The following ABTB2 variants were observed in gnomAD, a reference collection of about 807,000 sequenced individuals.
The protein encoded by ABTB2 is ankyrin repeat and BTB domain containing 2, also known as ankyrin repeat and BTB/POZ domain-containing protein 2.
Under a neutral mutation model 104.1 loss-of-function variants are expected in ABTB2, and 56 were observed. The observed-to-expected ratio is 0.54, with a 90% CI of 0.43 to 0.67. ABTB2 has a LOEUF of 0.67. Among genes scored for constraint, ABTB2 ranks in the 30% least tolerant of loss-of-function variants. The pLI, the probability that ABTB2 is intolerant of heterozygous loss-of-function variation, is 0.00. For missense variants in ABTB2, 1,279 were observed against 1,407.7 expected, an observed-to-expected ratio of 0.91 and a Z score of 1.46; for synonymous variants, 606 against 608.2, an observed-to-expected ratio of 1.00 and a Z score of 0.05.
chr11:34,325,251 T>C (rs949091073), intron 1 of ABTB2, among the ~76,000 whole-genome samples: 6 of 152,190 alleles, frequency 3.9e-5, no homozygotes, highest in Non-Finnish European at 5.9e-5. Flanking sequence ...TCTTTAGTGG[T>C]CCATCAGTGG....
At position 34,252,834 on chromosome 11, in the gene ABTB2, T is replaced by C. The variant is rs1394089181; in HGVS notation, c.884-48144A>G. ...GGCCAGAGGAGGCTGGGGGACCTCC[T>C]GGGAGCTTGGACACCTGGGCCTCTC... On this transcript the variant is annotated intron_variant, in intron 1 of 16. Coordinates refer to ENST00000435224, the MANE Select transcript of ABTB2 (RefSeq NM_145804.3). This position sits in a 1 kb window ranked among gnomAD's most constrained non-coding sequence, Gnocchi z 5.5. Among the ~76,000 whole-genome samples, 1 of 151,928 alleles carries C rather than the reference T, an allele frequency of 6.6e-6. No homozygotes were observed. Among genetic ancestry groups the C allele is most frequent in the Non-Finnish European group, 1.5e-5 (1 of 67,942 alleles).
rs371506561 is a variant in ABTB2, at chr11:34,308,748, G to A, written c.883+47953C>T. ...AGCTGGGCGTGGGTGGCAGGCGCCT[G>A]TATTCCCAGCTACTCAGGAGGTTAA... On this transcript the variant is annotated intron_variant, in intron 1 of 16. Coordinates refer to ENST00000435224, the MANE Select transcript of ABTB2 (RefSeq NM_145804.3). Among the ~76,000 whole-genome samples the A allele has an allele frequency of 1.4e-3, 217 of 151,796 alleles. 1 individual carries two copies. In the Middle Eastern group the frequency reaches 0.02, roughly 14 times the overall value.
intron 1 of ABTB2, among the ~76,000 whole-genome samples, chr11:34,310,992 T>A (rs1854845777): frequency 6.6e-6 from 1 of 152,222 alleles, no homozygotes; most frequent in African/African-American, 2.4e-5. Flanking sequence ...CTTGTGCTGG[T>A]CCTGAGGAAA....
intron 5 of ABTB2, among the ~76,000 whole-genome samples, chr11:34,169,378 G>A (rs1264701100): frequency 1.3e-5 from 2 of 152,166 alleles, no homozygotes; most frequent in South Asian, 2.1e-4. Context: ...AATAAAAACC[G>A]GAATGAACAT....
At position 34,151,437 on chromosome 11, in the gene ABTB2, A is replaced by G. The variant is rs1852536495; in HGVS notation, c.*950T>C. The G allele has an allele frequency of 6.6e-6, 1 of 152,242 alleles. No individual in the cohort carries two copies. Among genetic ancestry groups the G allele is most frequent in the Admixed American group, 6.5e-5 (1 of 15,286 alleles). 9.4% of individuals were successfully genotyped at this position (152,242 alleles called of 1,614,324 possible). A position where few individuals can be genotyped will look rare whatever the true frequency, so the allele number is the denominator to read the frequency against. On this transcript the variant is annotated 3_prime_UTR_variant, in exon 17 of 17. Transcript: ENST00000435224. ...CCCTGTCCTTTAATCTCCAAGAGTCACAGTCCCCAGTGGGACCTGTTTGCC... is the reference window on the plus strand; with the variant it reads ...CCCTGTCCTTTAATCTCCAAGAGTCGCAGTCCCCAGTGGGACCTGTTTGCC...
intron 4 of ABTB2, among the ~76,000 whole-genome samples, chr11:34,172,418 A>ATATATATATATG (rs55819950): frequency 0.012 from 984 of 83,900 alleles, 46 homozygotes; most frequent in Middle Eastern, 0.031. Context: ...ATATATATAT[A>ATATATATATATG]TGTGTGTGTG....
At chr11:34,350,266 T>C (rs1269296066) in intron 1 of ABTB2, among the ~76,000 whole-genome samples, 4 of 152,046 alleles carry the variant, frequency 2.6e-5, no homozygotes, top group Admixed American at 2.0e-4. Context: ...TACAGGCTCT[T>C]CTGCCAACTC....
intron 1 of ABTB2, among the ~76,000 whole-genome samples, chr11:34,347,728 C>T (rs1855350031): frequency 1.3e-5 from 2 of 152,094 alleles, no homozygotes; most frequent in Admixed American, 1.3e-4. Flanking sequence ...CAATATTAAG[C>T]ATTTAATATG....
At chr11:34,250,286 T>G (rs1256831186) in intron 1 of ABTB2, among the ~76,000 whole-genome samples, 1 of 152,164 alleles carries the variant, frequency 6.6e-6, no homozygotes, top group Non-Finnish European at 1.5e-5. Flanking sequence ...GACTCCCCAG[T>G]TCTTCTTAAG....
intron 1 of ABTB2, among the ~76,000 whole-genome samples, chr11:34,258,280 T>C (rs1854146716): frequency 6.6e-6 from 1 of 152,234 alleles, no homozygotes. Flanking sequence ...CATTTGAATA[T>C]GGAATGACAA....
Position 34,159,990 on chromosome 11 carries a change from T to C in ABTB2, c.2522A>G (p.Asn841Ser). ...PARLDPHFLNNKEMSDVTFLV... is the reference protein window; with the variant it reads ...PARLDPHFLNSKEMSDVTFLV... ...GAAGGTCACATCTGACATCTCCTTA[T>C]TGTTCAAAAAGTGTGGATCTGTGAA... is the stretch of plus-strand genomic sequence containing the variant. The change falls in exon 13 of 17, where the codon AAT becomes AGT. Residue 841 changes from asparagine (N) to serine (S), a missense_variant. Transcript: ENST00000435224. The C allele has an allele frequency of 6.2e-7, 1 of 1,613,636 alleles. No individual in the cohort carries two copies. Among genetic ancestry groups the C allele is most frequent in the Non-Finnish European group, 8.5e-7 (1 of 1,179,780 alleles).
rs964198191 is a variant in ABTB2, at chr11:34,154,781, A to G, written c.2698-12T>C. On this transcript the variant is annotated splice_polypyrimidine_tract_variant and intron_variant, in intron 14 of 16. Coordinates refer to ENST00000435224, the MANE Select transcript of ABTB2 (RefSeq NM_145804.3). The surrounding 1 kb of genome is among the most constrained non-coding windows in gnomAD (Gnocchi z 4.9). ...TACTGCATCATCATCTGTGGTGGGA[A>G]GAGGCCCATGTGAATGCCACGTGAA... The G allele has an allele frequency of 2.5e-6, 4 of 1,613,842 alleles. No individual in the cohort carries two copies. Among genetic ancestry groups the G allele is most frequent in the Non-Finnish European group, 3.4e-6 (4 of 1,179,818 alleles).
intron 1 of ABTB2, among the ~76,000 whole-genome samples, chr11:34,217,594 T>A (rs1853565300): frequency 6.6e-6 from 1 of 152,148 alleles, no homozygotes; most frequent in African/African-American, 2.4e-5. Flanking sequence ...CCCGAGTAGC[T>A]GGCCTTACAG....
chr11:34,191,259 C>T (rs1395192879), intron 3 of ABTB2, among the ~76,000 whole-genome samples: 1 of 152,064 alleles, frequency 6.6e-6, no homozygotes, highest in African/African-American at 2.4e-5. Context: ...ACAGAGTGAG[C>T]CAGTCTCTTA....
In ABTB2 at chr11:34,357,413, G is replaced by C; in HGVS notation, c.171C>G (p.Tyr57Ter). 6.5e-7 allele frequency: 1 copy of C among 1,548,882 alleles called. No individual in the cohort carries two copies. The highest frequency in any genetic ancestry group is 8.7e-7 in the Non-Finnish European group (1 of 1,146,308). The change falls in exon 1 of 17, where the codon TAC becomes TAG. Residue 57 changes from tyrosine (Y) to a stop codon, truncating the protein, a stop_gained. Transcript: ENST00000435224. LOFTEE classifies it high-confidence loss of function. ...TGTGGCGGCTGTTCATGGAGCCGGA[G>C]TAGCACCACCAGGCCGCCCCGCGGT... ...QQHRGAAWWC[Y>*]SGSMNSRHNS...
At chr11:34,242,191 C>A (rs1853927155) in intron 1 of ABTB2, among the ~76,000 whole-genome samples, 2 of 152,264 alleles carry the variant, frequency 1.3e-5, no homozygotes, top group Admixed American at 6.5e-5. Context: ...TGTGATGAGG[C>A]CTTCTGCCGC....
At chr11:34,300,365 A>G (rs1854688197) in intron 1 of ABTB2, among the ~76,000 whole-genome samples, 1 of 152,208 alleles carries the variant, frequency 6.6e-6, no homozygotes. Flanking sequence ...AAACCCTACC[A>G]TTTAGCTTGT....
At chr11:34,244,212 A>C (rs1029346061) in intron 1 of ABTB2, among the ~76,000 whole-genome samples, 6 of 152,236 alleles carry the variant, frequency 3.9e-5, no homozygotes, top group Non-Finnish European at 8.8e-5. Context: ...TCTTTAAAAA[A>C]AAAAAAATCA....
At chr11:34,158,273 T>C (rs887895805) in intron 14 of ABTB2, among the ~76,000 whole-genome samples, 2 of 151,830 alleles carry the variant, frequency 1.3e-5, no homozygotes, top group Non-Finnish European at 2.9e-5. Flanking sequence ...ATTAGCTGGG[T>C]GTGGTGGCGG....
Sources: allele counts gnomAD v4.1 joint callset (sites outside exome capture counted in the v4.1 genomes callset), GRCh38; gene constraint gnomAD v4.1.1; non-coding constraint Gnocchi (gnomAD v3.1); transcripts MANE v1.5; gene names NCBI Gene and HGNC (gene_info 2026-07-23, HGNC 2026-07-21).